KLHL42: variants seen among roughly 807,000 people sequenced by gnomAD.
The protein encoded by KLHL42 is kelch-like protein 42.
Under a neutral mutation model 32.7 loss-of-function variants are expected in KLHL42, and 27 were observed. The observed-to-expected ratio is 0.83, with a 90% CI of 0.61 to 1.14. The LOEUF (loss-of-function observed/expected upper bound fraction) is 1.14. Among genes scored for constraint, KLHL42 ranks in the 50% most tolerant of loss-of-function variants. The pLI, the probability that KLHL42 is intolerant of heterozygous loss-of-function variation, is 0.00. For missense variants in KLHL42, 491 were observed against 560.8 expected (o/e 0.88, Z 1.26); for synonymous variants, 267 against 248.2 (o/e 1.08, Z -0.71).
At position 27,781,090 on chromosome 12, in the gene KLHL42, T is replaced by C. The variant is rs749010339; in HGVS notation, c.760T>C (p.Tyr254His). The C allele has an allele frequency of 1.2e-6, 2 of 1,614,184 alleles. No individual in the cohort carries two copies. The highest frequency in any genetic ancestry group is 2.2e-5 in the South Asian group (2 of 91,070). ...RGYGSAILDN[Y>H]LFIVGGYRIT... ...CTATGGGTCTGCCATCCTGGACAAC[T>C]ACCTCTTCATAGTGGGCGGGTACAG... Residue 254 changes from tyrosine to histidine, a missense_variant, in exon 1 of 3, where the codon TAC becomes CAC. Around this residue, in one of 4 missense-constraint regions of KLHL42, gnomAD observed 248 missense variants for 329.2 expected, o/e 0.75. Coordinates refer to ENST00000381271, the MANE Select transcript of KLHL42 (RefSeq NM_020782.2).
intron 2 of KLHL42, among the ~76,000 whole-genome samples, chr12:27,794,760 A>G (rs970886269): frequency 6.6e-6 from 1 of 152,070 alleles, no homozygotes. Flanking sequence ...AGTGATGTGT[A>G]TATTTATGTA....
intron 1 of KLHL42, among the ~76,000 whole-genome samples, chr12:27,783,848 T>G (rs565319557): frequency 2.6e-5 from 4 of 152,284 alleles, no homozygotes; most frequent in African/African-American, 9.6e-5. Context: ...CCTCCCAAAG[T>G]GCTGGGATTA....
intron 1 of KLHL42, among the ~76,000 whole-genome samples, chr12:27,784,150 T>G (rs2062161552): frequency 1.3e-5 from 2 of 150,758 alleles, no homozygotes; most frequent in African/African-American, 4.9e-5. Context: ...TTTTTTTTTT[T>G]TGGGGACGGA....
intron 1 of KLHL42, among the ~76,000 whole-genome samples, chr12:27,782,802 A>G (rs1591813348): frequency 6.6e-6 from 1 of 151,970 alleles, no homozygotes; most frequent in East Asian, 1.9e-4. Context: ...GCATGAATGC[A>G]TGATTCTTAG....
rs1384231700 is a variant in KLHL42 at position 27,801,291 on chromosome 12, T to A, written c.*3125T>A. 6.6e-6 allele frequency: 1 copy of A among 152,334 alleles called. No homozygotes were observed. The allele number at this position is 152,334 out of a possible 1,614,324, so 9.4% of individuals were successfully genotyped here. A position where few individuals can be genotyped will look rare whatever the true frequency, so the allele number is the denominator to read the frequency against. On this transcript the variant is annotated 3_prime_UTR_variant, in exon 3 of 3. Transcript: ENST00000381271. ...TACACACCATTGAGATGGGCAAAAT[T>A]CTTTCTCTACAAAGGGAGTAATCAA...
At chr12:27,794,212 G>T (rs1216803455) in intron 2 of KLHL42, among the ~76,000 whole-genome samples, 1 of 152,218 alleles carries the variant, frequency 6.6e-6, no homozygotes, top group Non-Finnish European at 1.5e-5. Flanking sequence ...GCGACCAGAA[G>T]TCAGAAGTCA....
In KLHL42 at chr12:27,798,360, A is replaced by C. The variant is rs1204983179; in HGVS notation, c.*194A>C. 1.1e-5 allele frequency: 6 copies of C among 538,790 alleles called. No homozygotes were observed. The Admixed American group carries it at 1.8e-4, about 16-fold the overall frequency. 33.4% of individuals were successfully genotyped at this position (538,790 alleles called of 1,614,324 possible). ...GTGGAAAAAAGAGACCAACTTTGTT[A>C]TTTTTTAAATTATTGATTTTTAAAT... On this transcript the variant is annotated 3_prime_UTR_variant, in exon 3 of 3. Transcript: ENST00000381271.
chr12:27,797,330 G>T (rs2062223547), intron 2 of KLHL42: 2 of 462,592 alleles, frequency 4.3e-6, no homozygotes, highest in Non-Finnish European at 8.6e-6. Context: ...GCCCAGCCTG[G>T]CTTCTGTATT....
At chr12:27,787,479 A>G (rs1182274128) in intron 1 of KLHL42, among the ~76,000 whole-genome samples, 3 of 132,972 alleles carry the variant, frequency 2.3e-5, no homozygotes, top group Non-Finnish European at 4.7e-5. Flanking sequence ...TGGGCAACAG[A>G]GTGAGACTTT....
chr12:27,791,317 ACCC>A (rs2062196109), intron 1 of KLHL42, among the ~76,000 whole-genome samples: 1 of 152,102 alleles, frequency 6.6e-6, no homozygotes, highest in Admixed American at 6.5e-5. Flanking sequence ...AGAATGAAAT[ACCC>A]ATTCTGAGAG....
At chr12:27,796,359 G>GTCAAAATGCTGTAGGCT (rs529201807) in intron 2 of KLHL42, among the ~76,000 whole-genome samples, 449 of 152,292 alleles carry the variant, frequency 2.9e-3, no homozygotes, top group African/African-American at 0.01. Context: ...GCCTGCAGCC[G>GTCAAAATGCTGTAGGCT]TCAAAATGCT....
At chr12:27,791,976 G>C (rs1298859480) in intron 2 of KLHL42, 75 bp downstream of exon 2, 1 of 1,269,336 alleles carries the variant, frequency 7.9e-7, no homozygotes, top group Non-Finnish European at 1.1e-6. Context: ...GAGGGTGTCA[G>C]AGGAAGCCCC....
intron 1 of KLHL42, among the ~76,000 whole-genome samples, chr12:27,786,039 G>A (rs1298032580): frequency 6.6e-6 from 1 of 152,130 alleles, no homozygotes; most frequent in Non-Finnish European, 1.5e-5. Context: ...TTCTTCACAA[G>A]GGCTGTTAGG....
chr12:27,801,205 T>A lies in KLHL42; in HGVS notation c.*3039T>A, dbSNP rs997405979. The A allele has an allele frequency of 8.0e-6, 1 of 124,520 alleles. No individual in the cohort carries two copies. The highest frequency in any genetic ancestry group is 1.5e-5 in the Non-Finnish European group (1 of 66,244). The allele number at this position is 124,520 out of a possible 1,614,324, so 7.7% of individuals were successfully genotyped here. A position where few individuals can be genotyped will look rare whatever the true frequency, so the allele number is the denominator to read the frequency against. Reference sequence around the variant, plus strand: ...ACCAAAGAGAATTTAACCCTGCCATTTTTTTTTTTTTAACACCAAGATCCT... The same window carrying A: ...ACCAAAGAGAATTTAACCCTGCCATATTTTTTTTTTTAACACCAAGATCCT... On this transcript the variant is annotated 3_prime_UTR_variant, in exon 3 of 3. Coordinates refer to ENST00000381271, the MANE Select transcript of KLHL42 (RefSeq NM_020782.2).
Position 27,800,523 on chromosome 12 carries a change from C to A in KLHL42, c.*2357C>A. 1 of 279,068 alleles carries A rather than the reference C, an allele frequency of 3.6e-6. No individual in the cohort carries two copies. Among genetic ancestry groups the A allele is most frequent in the Non-Finnish European group, 5.4e-6 (1 of 184,230 alleles). The allele number at this position is 279,068 out of a possible 1,614,324, so 17.3% of individuals were successfully genotyped here. A position where few individuals can be genotyped will look rare whatever the true frequency, so the allele number is the denominator to read the frequency against. On this transcript the variant is annotated 3_prime_UTR_variant, in exon 3 of 3. Transcript: ENST00000381271. ...TCGTCCTTCCTGCTGTGCACATCAG[C>A]TGTGATGACATTTTGAGGGTAGTTT...
chr12:27,791,898 A>C lies in KLHL42; in HGVS notation c.1063A>C (p.Arg355=). 6.2e-7 allele frequency: 1 copy of C among 1,613,810 alleles called. No individual in the cohort carries two copies. Among genetic ancestry groups the C allele is most frequent in the Non-Finnish European group, 8.5e-7 (1 of 1,179,894 alleles). Residue 355 remains arginine (R), a synonymous_variant, in exon 2 of 3, where the codon AGA becomes CGA. Transcript: ENST00000381271. ...TTATGTCATTGGAGGATACACTACCAGAGGTAAGTGAAGGGACCAGGTAGG... is the reference window on the plus strand; with the variant it reads ...TTATGTCATTGGAGGATACACTACCCGAGGTAAGTGAAGGGACCAGGTAGG... ...KIYVIGGYTT[R]DRNMNILQYC...
At chr12:27,786,400 A>G (rs946877237) in intron 1 of KLHL42, among the ~76,000 whole-genome samples, 1 of 152,160 alleles carries the variant, frequency 6.6e-6, no homozygotes, top group African/African-American at 2.4e-5. Flanking sequence ...GCTGCCCTCA[A>G]GAAGTTTAAA....
chr12:27,796,159 A>T (rs73086285), intron 2 of KLHL42, among the ~76,000 whole-genome samples: 7,960 of 152,230 alleles, frequency 0.052, 659 homozygotes, highest in African/African-American at 0.18. Flanking sequence ...CAATTCTGAG[A>T]TTTCTCCAGG....
chr12:27,785,828 T>C (rs953372080), intron 1 of KLHL42, among the ~76,000 whole-genome samples: 2 of 152,244 alleles, frequency 1.3e-5, no homozygotes, highest in African/African-American at 4.8e-5. Flanking sequence ...ATGGAATATA[T>C]TTTTACATTA....
Sources: allele counts gnomAD v4.1 joint callset (sites outside exome capture counted in the v4.1 genomes callset), GRCh38; gene constraint gnomAD v4.1.1; regional missense constraint gnomAD v4.1.1; transcripts MANE v1.5; gene names NCBI Gene and HGNC (gene_info 2026-07-23, HGNC 2026-07-21).